The following MDGA2 variants were observed in gnomAD, a reference collection of about 807,000 sequenced individuals.
MDGA2 encodes the protein MAM domain containing glycosylphosphatidylinositol anchor 2.
MDGA2 carries 40 observed loss-of-function variants against 117.8 expected under a neutral mutation model. The ratio of observed to expected loss-of-function variants is 0.34; its 90% CI spans 0.26 to 0.44. The LOEUF is 0.44. Among genes scored for constraint, MDGA2 ranks in the 20% least tolerant of loss-of-function variants. MDGA2 has a pLI of 1.00. For missense variants in MDGA2, 1,123 were observed against 1,250.6 expected (o/e 0.90, Z 1.54); for synonymous variants, 452 against 439.0 (o/e 1.03, Z -0.37).
chr14:47,064,254 G>T (rs892818342), intron 6 of MDGA2, among the ~76,000 whole-genome samples: 1 of 151,838 alleles, frequency 6.6e-6, no homozygotes, highest in Non-Finnish European at 1.5e-5. Flanking sequence ...CTATGATTTG[G>T]CCTAAGTCAA....
chr14:47,334,991 G>A (rs1310168110), intron 1 of MDGA2, among the ~76,000 whole-genome samples: 1 of 151,828 alleles, frequency 6.6e-6, no homozygotes, highest in Non-Finnish European at 1.5e-5. Context: ...AAATTGGGTG[G>A]TTTGTAAGAT....
At position 47,444,898 on chromosome 14, in the gene MDGA2, C is replaced by A. The variant is rs369876796; in HGVS notation, c.281-143348G>T. On this transcript the variant is annotated intron_variant, in intron 1 of 16. Coordinates refer to ENST00000399232, the MANE Select transcript of MDGA2 (RefSeq NM_001113498.3). ...GTTGTACATTGAAATCTTCATATACCATAACCTAATTGAATAGTGACATAA... is the reference window on the plus strand; with the variant it reads ...GTTGTACATTGAAATCTTCATATACAATAACCTAATTGAATAGTGACATAA... Among the ~76,000 whole-genome samples, 6 of 152,178 alleles carry A rather than the reference C, an allele frequency of 3.9e-5. No individual in the cohort carries two copies. The East Asian group carries it at 1.2e-3, about 29-fold the overall frequency.
intron 2 of MDGA2, 120 bp downstream of exon 2, chr14:47,301,291 C>A (rs983694046): frequency 5.3e-5 from 46 of 869,784 alleles, no homozygotes; most frequent in South Asian, 3.1e-4. Context: ...ACACCCACAC[C>A]CACCCACACA....
chr14:47,656,022 A>G (rs560032367), intron 1 of MDGA2, among the ~76,000 whole-genome samples: 1 of 152,306 alleles, frequency 6.6e-6, no homozygotes, highest in East Asian at 1.9e-4. Flanking sequence ...GCCATTTGCA[A>G]TATAGAATTA....
intron 1 of MDGA2, among the ~76,000 whole-genome samples, chr14:47,480,959 A>T (rs1329627246): frequency 6.6e-6 from 1 of 151,964 alleles, no homozygotes; most frequent in African/African-American, 2.4e-5. Context: ...GGTAATCTTC[A>T]TCTTGTACGA....
intron 1 of MDGA2, among the ~76,000 whole-genome samples, chr14:47,586,545 A>G (rs1057254450): frequency 2.6e-5 from 4 of 151,962 alleles, no homozygotes; most frequent in African/African-American, 9.7e-5. Flanking sequence ...TCAGGACTCA[A>G]GTCCACTGGG....
At chr14:47,155,584 G>T (rs1265700452) in intron 3 of MDGA2, among the ~76,000 whole-genome samples, 1 of 152,030 alleles carries the variant, frequency 6.6e-6, no homozygotes, top group Middle Eastern at 3.2e-3. Context: ...GCCGGGAGTT[G>T]CCCACCCCGC....
At chr14:47,131,898 G>C in intron 4 of MDGA2, 52 bp from the exon 5 acceptor site, 1 of 1,392,036 alleles carries the variant, frequency 7.2e-7, no homozygotes, top group Non-Finnish European at 9.8e-7. Flanking sequence ...AACACAACCA[G>C]AATGAATGAA....
chr14:47,609,466 A>ATATATATATATATAT (rs1566539792), intron 1 of MDGA2, among the ~76,000 whole-genome samples: 18 of 20,752 alleles, frequency 8.7e-4, no homozygotes, highest in East Asian at 3.7e-3. Context: ...TATATATATA[A>ATATATATATATATAT]GTTTCTTTAT....
intron 1 of MDGA2, among the ~76,000 whole-genome samples, chr14:47,364,657 A>G (rs562847008): frequency 6.6e-6 from 1 of 152,368 alleles, no homozygotes; most frequent in South Asian, 2.1e-4. Flanking sequence ...AAATGCAGAT[A>G]TACTCACTTT....
intron 2 of MDGA2, among the ~76,000 whole-genome samples, chr14:47,260,837 G>C (rs575813397): frequency 1.8e-4 from 28 of 152,028 alleles, no homozygotes; most frequent in African/African-American, 6.3e-4. Flanking sequence ...TTTGTACATA[G>C]TACGTTGTAC....
At chr14:47,309,223 G>C (rs1280231007) in intron 1 of MDGA2, among the ~76,000 whole-genome samples, 1 of 152,018 alleles carries the variant, frequency 6.6e-6, no homozygotes, top group East Asian at 1.9e-4. Context: ...TCAGACTGCA[G>C]ATCATTTTAT....
intron 1 of MDGA2, among the ~76,000 whole-genome samples, chr14:47,420,813 G>T (rs1209222001): frequency 7.3e-6 from 1 of 137,212 alleles, no homozygotes; most frequent in South Asian, 2.6e-4. Flanking sequence ...GCAATAAAGA[G>T]AGAGAAAAAG....
At chr14:46,952,253 G>C (rs1264560741) in intron 9 of MDGA2, among the ~76,000 whole-genome samples, 1 of 151,832 alleles carries the variant, frequency 6.6e-6, no homozygotes, top group Non-Finnish European at 1.5e-5. Context: ...AAAAAAAAGT[G>C]TCTAAAATTA....
intron 1 of MDGA2, among the ~76,000 whole-genome samples, chr14:47,552,802 C>G (rs1001217146): frequency 1.5e-5 from 2 of 136,754 alleles, no homozygotes; most frequent in African/African-American, 5.3e-5. Context: ...CTCTTACTAC[C>G]CCTAATCTTG....
intron 1 of MDGA2, among the ~76,000 whole-genome samples, chr14:47,529,475 T>C (rs1006642857): frequency 1.3e-5 from 2 of 152,162 alleles, no homozygotes; most frequent in Non-Finnish European, 2.9e-5. Flanking sequence ...TATTTATCTT[T>C]TGTGTTACAA....
intron 6 of MDGA2, among the ~76,000 whole-genome samples, chr14:47,096,174 G>A (rs1205576294): frequency 3.3e-5 from 5 of 151,930 alleles, no homozygotes; most frequent in African/African-American, 7.3e-5. Flanking sequence ...TAAGCATTGC[G>A]TCTTCTATCT....
rs561605993 is a variant in MDGA2, at chr14:46,885,067, C to T, written c.2239-2846G>A. ...TACACCATGTTGGCCAGGCTGGTCT[C>T]AAACTCTTGACCTCAAGTGATCACC... On this transcript the variant is annotated intron_variant, in intron 10 of 16. Coordinates refer to ENST00000399232, the MANE Select transcript of MDGA2 (RefSeq NM_001113498.3). 1.4e-4 allele frequency among the ~76,000 whole-genome samples: 22 copies of T among 152,036 alleles called. No individual in the cohort carries two copies. The Middle Eastern group carries it at 0.01, about 71-fold the overall frequency.
intron 8 of MDGA2, among the ~76,000 whole-genome samples, chr14:46,998,426 A>G (rs1370955166): frequency 6.6e-6 from 1 of 152,186 alleles, no homozygotes; most frequent in African/African-American, 2.4e-5. Context: ...AAGTTTAGAA[A>G]TATATTATCT....
Sources: allele counts gnomAD v4.1 joint callset (sites outside exome capture counted in the v4.1 genomes callset), GRCh38; gene constraint gnomAD v4.1.1; transcripts MANE v1.5; gene names NCBI Gene and HGNC (gene_info 2026-07-23, HGNC 2026-07-21).